COBLL1: variants seen among roughly 807,000 people sequenced by gnomAD.
COBLL1 encodes the protein cordon-bleu WH2 repeat protein like 1, also known as cordon-bleu protein-like 1.
COBLL1 carries 50 observed loss-of-function variants against 94.8 expected under a neutral mutation model. The ratio of observed to expected loss-of-function variants is 0.53; its 90% CI spans 0.42 to 0.67. The LOEUF (loss-of-function observed/expected upper bound fraction) is 0.67. Among genes scored for constraint, COBLL1 ranks in the 30% least tolerant of loss-of-function variants. COBLL1 has a pLI of 0.00. For missense variants in COBLL1, 1,362 were observed against 1,348.7 expected, an observed-to-expected ratio of 1.01 and a Z score of -0.15; for synonymous variants, 448 against 473.8, an observed-to-expected ratio of 0.95 and a Z score of 0.71.
chr2:164,734,463 AT>A (rs1466086330), intron 3 of COBLL1, among the ~76,000 whole-genome samples: 1 of 152,180 alleles, frequency 6.6e-6, no homozygotes, highest in Non-Finnish European at 1.5e-5. Context: ...AAGACTTGAG[AT>A]TTTACTGAGT....
At chr2:164,667,161 A>G (rs1437687601) in intron 1 of COBLL1, among the ~76,000 whole-genome samples, 2 of 152,144 alleles carry the variant, frequency 1.3e-5, no homozygotes. Flanking sequence ...TAGGTGCATT[A>G]TCAATGAACA....
At chr2:164,800,517 A>G (rs1462194806) in intron 2 of COBLL1, 1 of 701,364 alleles carries the variant, frequency 1.4e-6, no homozygotes, top group Non-Finnish European at 2.6e-6. Context: ...GAAGTTTCTT[A>G]TTAAATATAC....
intron 13 of COBLL1, among the ~76,000 whole-genome samples, chr2:164,687,082 T>C (rs1313610522): frequency 6.6e-6 from 1 of 152,200 alleles, no homozygotes; most frequent in Non-Finnish European, 1.5e-5. Context: ...TGATTGACGC[T>C]ACACACCTAA....
intron 3 of COBLL1, among the ~76,000 whole-genome samples, chr2:164,742,857 AAG>A (rs547352102): frequency 1.3e-5 from 2 of 151,252 alleles, no homozygotes; most frequent in Admixed American, 6.6e-5. Context: ...CACACAGAGA[AAG>A]AGAGAGAGAG....
chr2:164,762,735 C>T (rs2105226553), intron 2 of COBLL1, among the ~76,000 whole-genome samples: 3 of 140,058 alleles, frequency 2.1e-5, no homozygotes, highest in African/African-American at 2.8e-5. Context: ...CTTGCTCTGT[C>T]ACCCAGGCTG....
intron 2 of COBLL1, among the ~76,000 whole-genome samples, chr2:164,764,146 C>A (rs933661615): frequency 1.8e-4 from 27 of 152,198 alleles, no homozygotes; most frequent in African/African-American, 6.3e-4. Context: ...AACCCTCCTG[C>A]CTTGGCCTCT....
chr2:164,695,096 T>C lies in COBLL1; in HGVS notation c.2296A>G (p.Lys766Glu). 6.2e-7 allele frequency: 1 copy of C among 1,613,882 alleles called. No individual in the cohort carries two copies. The highest frequency in any genetic ancestry group is 8.5e-7 in the Non-Finnish European group (1 of 1,179,936). The change falls in exon 12 of 14, where the codon AAA becomes GAA. Residue 766 changes from lysine to glutamate, a missense_variant. By Grantham distance (56) the Lys-to-Glu change is moderately conservative. Coordinates refer to ENST00000652658, the MANE Select transcript of COBLL1 (RefSeq NM_001365672.2). Reference sequence around the variant, plus strand: ...TTCACATTCTCATGAGTGTGCTTTTTCCCTAAAGCATGCATGTCCTGATCA... The same window carrying C: ...TTCACATTCTCATGAGTGTGCTTTTCCCCTAAAGCATGCATGTCCTGATCA... ...KDDQDMHALG[K>E]KHTHENVKET...
In COBLL1 at chr2:164,711,415, A is replaced by G. The variant is rs1168758635; in HGVS notation, c.997-6310T>C. 3.3e-5 allele frequency among the ~76,000 whole-genome samples: 5 copies of G among 152,214 alleles called. No homozygotes were observed. In the South Asian group the frequency reaches 1.0e-3, roughly 32 times the overall value. ...TGGTGACTGTGTTGGTAAGAGTCCT[A>G]TTGGAATCAGTCTCAGTAATAATTA... On this transcript the variant is annotated intron_variant, in intron 7 of 13. Coordinates refer to ENST00000652658, the MANE Select transcript of COBLL1 (RefSeq NM_001365672.2).
chr2:164,824,103 C>T (rs933574134), intron 2 of COBLL1, among the ~76,000 whole-genome samples: 9 of 152,098 alleles, frequency 5.9e-5, no homozygotes, highest in Non-Finnish European at 2.9e-5. Context: ...AGTCTAGGGC[C>T]GGGCGCAGTG....
In COBLL1 at chr2:164,754,618, G is replaced by C. The variant is rs72880651; in HGVS notation, c.42-10743C>G. ...TAGAGAATGACAGTTCTACATACACGCTGTACCTGAGTTTCAGTTTCAGGT... is the reference window on the plus strand; with the variant it reads ...TAGAGAATGACAGTTCTACATACACCCTGTACCTGAGTTTCAGTTTCAGGT... On this transcript the variant is annotated intron_variant, in intron 2 of 13. Coordinates refer to ENST00000652658, the MANE Select transcript of COBLL1 (RefSeq NM_001365672.2). Among the ~76,000 whole-genome samples, 793 of 152,206 alleles carry C rather than the reference G, an allele frequency of 5.2e-3. 12 individuals are homozygous for C. Among genetic ancestry groups the C allele is most frequent in the African/African-American group, 0.018 (732 of 41,538 alleles).
At chr2:164,751,086 C>T (rs1205660395) in intron 2 of COBLL1, among the ~76,000 whole-genome samples, 1 of 152,086 alleles carries the variant, frequency 6.6e-6, no homozygotes, top group East Asian at 1.9e-4. Context: ...TTCAAATTGC[C>T]TGCTCCTTGA....
chr2:164,751,440 T>C (rs145487573), intron 2 of COBLL1, among the ~76,000 whole-genome samples: 2 of 152,166 alleles, frequency 1.3e-5, no homozygotes, highest in East Asian at 1.9e-4. Flanking sequence ...GTTTCATCAG[T>C]TCATAGGAGA....
rs1283837899 is a variant in COBLL1 at position 164,695,842 on chromosome 2, A to AG, written c.1556-7dup. The AG allele has an allele frequency of 6.5e-7, 1 of 1,538,814 alleles. No individual in the cohort carries two copies. On this transcript the variant is annotated splice_polypyrimidine_tract_variant and splice_region_variant and intron_variant, in intron 11 of 13. Transcript: ENST00000652658. ...AATTATTTCATTTTGAACTACTGAGAGAAAAAAATCATCAAGTTAAATATA... is the reference window on the plus strand; with the variant it reads ...AATTATTTCATTTTGAACTACTGAGAGGAAAAAAATCATCAAGTTAAATATA...
intron 3 of COBLL1, among the ~76,000 whole-genome samples, chr2:164,734,631 T>G (rs1686202890): frequency 6.6e-6 from 1 of 152,168 alleles, no homozygotes; most frequent in African/African-American, 2.4e-5. Flanking sequence ...CCTGGACTAC[T>G]CAGATTCTAG....
chr2:164,661,386 GGGTT>G (rs1197203935), intron 2 of COBLL1, among the ~76,000 whole-genome samples: 2 of 152,150 alleles, frequency 1.3e-5, no homozygotes, highest in African/African-American at 4.8e-5. Flanking sequence ...TAATGATTTG[GGGTT>G]GAAGTCTTTC....
At chr2:164,767,236 T>G (rs1257996749) in intron 2 of COBLL1, among the ~76,000 whole-genome samples, 1 of 152,194 alleles carries the variant, frequency 6.6e-6, no homozygotes, top group Non-Finnish European at 1.5e-5. Context: ...AATTTTTTTC[T>G]CACATATTTA....
At chr2:164,781,796 A>G (rs1369319395) in intron 2 of COBLL1, among the ~76,000 whole-genome samples, 1 of 152,222 alleles carries the variant, frequency 6.6e-6, no homozygotes, top group Non-Finnish European at 1.5e-5. Context: ...AAAACAAAGC[A>G]TAAAGAAACC....
chr2:164,828,544 A>T (rs779610982), intron 2 of COBLL1, among the ~76,000 whole-genome samples: 3 of 152,166 alleles, frequency 2.0e-5, no homozygotes, highest in Non-Finnish European at 2.9e-5. Context: ...ATTGTTAAGT[A>T]AAAAAGCAAC....
In COBLL1 at chr2:164,685,222, G is replaced by A. The variant is rs1441194485; in HGVS notation, c.*724C>T. 1.3e-5 allele frequency: 2 copies of A among 152,018 alleles called. No individual in the cohort carries two copies. The highest frequency in any genetic ancestry group is 2.9e-5 in the Non-Finnish European group (2 of 67,994). 9.4% of individuals were successfully genotyped at this position (152,018 alleles called of 1,614,324 possible). ...TTAAGGCTTCTGGCACATAAAATGT[G>A]TAATTTCTGTGTGACAATGTCATAA... On this transcript the variant is annotated 3_prime_UTR_variant, in exon 14 of 14. Transcript: ENST00000652658.
Sources: gnomAD v4.1 joint callset for allele counts (sites outside exome capture counted in the v4.1 genomes callset) on GRCh38, gnomAD v4.1.1 for gene constraint, MANE v1.5 for transcripts, NCBI Gene and HGNC (gene_info 2026-07-23, HGNC 2026-07-21) for gene names.